The following USH2A variants were observed in gnomAD, a reference collection of about 807,000 sequenced individuals.
USH2A encodes Usher syndrome 2A (autosomal recessive, mild).
In USH2A, 443 loss-of-function variants were observed where a neutral mutation model predicts 538.9. The ratio of observed to expected loss-of-function variants is 0.82; its 90% CI spans 0.76 to 0.89. The LOEUF is 0.89. USH2A is among the 40% of genes least tolerant of loss of function. The probability of loss-of-function intolerance (pLI) is 0.00; values close to 1 mark genes in which losing one functional copy is unlikely to be tolerated. For missense variants in USH2A, 6,633 were observed against 6,324.8 expected (o/e 1.05, Z -1.65); for synonymous variants, 2,413 against 2,273.5 (o/e 1.06, Z -1.75).
intron 47 of USH2A, among the ~76,000 whole-genome samples, chr1:215,827,367 C>T (rs773166352): frequency 3.4e-4 from 51 of 152,060 alleles, no homozygotes; most frequent in Non-Finnish European, 6.6e-4. Flanking sequence ...GCTACTTCAG[C>T]GACCGAGCTG....
At chr1:216,109,479 ATTGC>A (rs1457610002) in intron 21 of USH2A, among the ~76,000 whole-genome samples, 1 of 152,158 alleles carries the variant, frequency 6.6e-6, no homozygotes, top group South Asian at 2.1e-4. Flanking sequence ...GGTTTTCTGC[ATTGC>A]TTGCTCCTTG....
At chr1:216,274,314 A>G (rs2036628476) in intron 11 of USH2A, among the ~76,000 whole-genome samples, 1 of 152,100 alleles carries the variant, frequency 6.6e-6, no homozygotes, top group Non-Finnish European at 1.5e-5. Context: ...TTTCAGCAAT[A>G]CCTTTTTAGA....
At chr1:215,717,112 G>A (rs1025073813) in intron 61 of USH2A, among the ~76,000 whole-genome samples, 2 of 152,116 alleles carry the variant, frequency 1.3e-5, no homozygotes, top group Non-Finnish European at 2.9e-5. Context: ...ATTCAGAGCC[G>A]AGATGGAGAG....
At chr1:216,095,241 A>C (rs1231353850) in intron 22 of USH2A, among the ~76,000 whole-genome samples, 1 of 152,050 alleles carries the variant, frequency 6.6e-6, no homozygotes, top group Non-Finnish European at 1.5e-5. Context: ...TCTTAGTGAC[A>C]GTAGTAGTAT....
intron 67 of USH2A, among the ~76,000 whole-genome samples, chr1:215,646,992 G>C (rs1219915688): frequency 2.0e-5 from 3 of 152,122 alleles, no homozygotes; most frequent in Non-Finnish European, 4.4e-5. Context: ...ATATTTTCAC[G>C]ACACTCGCCT....
chr1:215,804,539 A>G (rs1662436959), intron 49 of USH2A, among the ~76,000 whole-genome samples: 1 of 148,586 alleles, frequency 6.7e-6, no homozygotes, highest in African/African-American at 2.6e-5. Context: ...AAAAATGCTC[A>G]TCATCACTGG....
chr1:216,147,323 G>C (rs867919364), intron 21 of USH2A, among the ~76,000 whole-genome samples: 125 of 148,852 alleles, frequency 8.4e-4, no homozygotes, highest in African/African-American at 3.1e-3. Context: ...CACCTGGTCC[G>C]GCTTACAGTT....
At chr1:216,392,296 C>T (rs1374297619) in intron 3 of USH2A, among the ~76,000 whole-genome samples, 12 of 151,722 alleles carry the variant, frequency 7.9e-5, no homozygotes, top group African/African-American at 2.2e-4. Flanking sequence ...CAGGAAATCC[C>T]GACCATCCTG....
chr1:216,189,920 C>T (rs982721096), intron 20 of USH2A, among the ~76,000 whole-genome samples: 7 of 151,912 alleles, frequency 4.6e-5, no homozygotes, highest in Admixed American at 2.0e-4. Context: ...CTATGTATTT[C>T]TAGTTCTATA....
At chr1:215,990,230 G>A (rs1261911295) in intron 35 of USH2A, among the ~76,000 whole-genome samples, 2 of 152,082 alleles carry the variant, frequency 1.3e-5, no homozygotes, top group African/African-American at 4.8e-5. Flanking sequence ...ATGCAAGATC[G>A]GTATTCTCAA....
At chr1:216,227,743 A>G (rs1225488455) in intron 14 of USH2A, among the ~76,000 whole-genome samples, 1 of 152,234 alleles carries the variant, frequency 6.6e-6, no homozygotes, top group African/African-American at 2.4e-5. Context: ...GCAGAGGGCC[A>G]GATTATCTGC....
chr1:215,894,226 T>A (rs1665271108), intron 40 of USH2A, among the ~76,000 whole-genome samples: 1 of 152,188 alleles, frequency 6.6e-6, no homozygotes, highest in Non-Finnish European at 1.5e-5. Flanking sequence ...AAATAAAATG[T>A]ACTCATATAA....
In USH2A at chr1:216,247,097, C is replaced by T. The variant is rs2036066367; in HGVS notation, c.2297G>A (p.Cys766Tyr). ...TCCTTTGGCTTCTTTTTTGCACTCA[C>T]ACTGCCCAGAGTGAGGATTGCAGAA... ...NKFCNPHSGQ[C>Y]ECKKEAKGLQ... Residue 766 changes from cysteine (C) to tyrosine (Y), a missense_variant, in exon 13 of 72, where the codon TGT becomes TAT. By Grantham distance (194) the Cys-to-Tyr change is radical. Transcript: ENST00000307340. The T allele has an allele frequency of 1.2e-6, 2 of 1,614,072 alleles. No homozygotes were observed. The highest frequency in any genetic ancestry group is 1.7e-6 in the Non-Finnish European group (2 of 1,179,958).
At chr1:216,044,663 C>T (rs1272993201) in intron 32 of USH2A, among the ~76,000 whole-genome samples, 2 of 151,850 alleles carry the variant, frequency 1.3e-5, no homozygotes, top group South Asian at 2.1e-4. Context: ...TAATTAACAC[C>T]ATTTTACAAA....
chr1:216,055,528 T>C (rs1300404413), intron 30 of USH2A, among the ~76,000 whole-genome samples: 1 of 152,226 alleles, frequency 6.6e-6, no homozygotes, highest in East Asian at 1.9e-4. Context: ...CAATATGCCA[T>C]GCTTCCTGAC....
At chr1:215,741,262 A>C in intron 60 of USH2A, 113 bp downstream of exon 60, 1 of 1,323,276 alleles carries the variant, frequency 7.6e-7, no homozygotes, top group South Asian at 1.3e-5. Flanking sequence ...AAAAAAACAC[A>C]ACATGAATTC....
At chr1:216,347,532 T>C (rs1287704508) in intron 4 of USH2A, among the ~76,000 whole-genome samples, 1 of 152,164 alleles carries the variant, frequency 6.6e-6, no homozygotes, top group African/African-American at 2.4e-5. Flanking sequence ...ATAAATATCA[T>C]ACAGGAAGCA....
chr1:215,890,689 A>G (rs1665185789), intron 40 of USH2A, among the ~76,000 whole-genome samples: 1 of 152,220 alleles, frequency 6.6e-6, no homozygotes, highest in South Asian at 2.1e-4. Context: ...TCTCTGGTAT[A>G]CAGTAGCAGT....
intron 35 of USH2A, among the ~76,000 whole-genome samples, chr1:215,973,437 A>C (rs1667542207): frequency 6.6e-6 from 1 of 152,162 alleles, no homozygotes; most frequent in African/African-American, 2.4e-5. Flanking sequence ...AATATAATTG[A>C]ATCATTTTGT....
Sources: gnomAD v4.1 joint callset for allele counts (sites outside exome capture counted in the v4.1 genomes callset) on GRCh38, gnomAD v4.1.1 for gene constraint, MANE v1.5 for transcripts, NCBI Gene and HGNC (gene_info 2026-07-23, HGNC 2026-07-21) for gene names.